GRIN2B: variants seen among roughly 807,000 people sequenced by gnomAD.
GRIN2B encodes the protein glutamate receptor ionotropic, NMDA 2B.
A neutral mutation model predicts 114.5 loss-of-function variants in GRIN2B; 5 were observed. The ratio of observed to expected loss-of-function variants is 0.04; its 90% confidence interval spans 0.02 to 0.09. The LOEUF is 0.09. GRIN2B is among the 10% of genes least tolerant of loss of function. The pLI, the probability that GRIN2B is intolerant of heterozygous loss-of-function variation, is 1.00. For missense variants in GRIN2B, 1,108 were observed against 1,943.5 expected, an observed-to-expected ratio of 0.57 and a Z score of 8.08; for synonymous variants, 787 against 745.1, an observed-to-expected ratio of 1.06 and a Z score of -0.92.
intron 4 of GRIN2B, among the ~76,000 whole-genome samples, chr12:13,725,029 A>C (rs529704593): frequency 1.6e-4 from 25 of 152,180 alleles, no homozygotes; most frequent in Non-Finnish European, 2.9e-4. Context: ...AAGGCAAACA[A>C]CTTCCTTGAG....
intron 10 of GRIN2B, among the ~76,000 whole-genome samples, chr12:13,604,531 C>G (rs189357269): frequency 1.2e-3 from 179 of 152,234 alleles, no homozygotes; most frequent in Non-Finnish European, 2.0e-3. Context: ...AGTTTAGGAA[C>G]CCTTCTCCAT....
intron 3 of GRIN2B, among the ~76,000 whole-genome samples, chr12:13,791,337 G>C (rs1302376448): frequency 6.6e-6 from 1 of 151,410 alleles, no homozygotes; most frequent in East Asian, 1.9e-4. Flanking sequence ...CTGTAGCCCA[G>C]CTACTCGGAG....
chr12:13,963,424 T>A (rs558854590), intron 2 of GRIN2B, among the ~76,000 whole-genome samples: 6 of 152,256 alleles, frequency 3.9e-5, no homozygotes, highest in African/African-American at 7.2e-5. Flanking sequence ...GGTAGGCATT[T>A]ATGTAAGAAA....
chr12:13,728,330 G>A (rs1235201655), intron 4 of GRIN2B, among the ~76,000 whole-genome samples: 1 of 152,086 alleles, frequency 6.6e-6, no homozygotes. Context: ...AATATTGAAG[G>A]CTAGAAATTT....
At chr12:13,734,640 T>G (rs1863149289) in intron 4 of GRIN2B, among the ~76,000 whole-genome samples, 6 of 152,226 alleles carry the variant, frequency 3.9e-5, no homozygotes, top group Admixed American at 3.3e-4. Context: ...AAAATGTTTG[T>G]GTCTACTGTG....
chr12:13,550,863 C>CT lies in GRIN2B; in HGVS notation c.*11919dup, dbSNP rs1311845690. The CT allele has an allele frequency of 1.3e-5, 2 of 152,144 alleles. No homozygotes were observed. Among genetic ancestry groups the CT allele is most frequent in the African/African-American group, 4.8e-5 (2 of 41,426 alleles). The allele number at this position is 152,144 out of a possible 1,614,324, so 9.4% of individuals were successfully genotyped here. On this transcript the variant is annotated 3_prime_UTR_variant, in exon 14 of 14. Transcript: ENST00000609686. ...ACATTGTTTGTGTTTTGAGGATGGG[C>CT]TGCTCAGAGTCAACTCAGGATAAGT... is the stretch of plus-strand genomic sequence containing the variant.
intron 2 of GRIN2B, among the ~76,000 whole-genome samples, chr12:13,926,804 T>G (rs1163752375): frequency 6.6e-6 from 1 of 151,904 alleles, no homozygotes; most frequent in East Asian, 1.9e-4. Context: ...ATACAAAAAA[T>G]TAGCCGGGTA....
At chr12:13,684,881 G>A (rs1950163618) in intron 4 of GRIN2B, among the ~76,000 whole-genome samples, 1 of 152,110 alleles carries the variant, frequency 6.6e-6, no homozygotes, top group South Asian at 2.1e-4. Flanking sequence ...TAATTTTAAG[G>A]TGAAGGCTTG....
At chr12:13,661,486 C>T (rs921338531) in intron 5 of GRIN2B, among the ~76,000 whole-genome samples, 2 of 152,280 alleles carry the variant, frequency 1.3e-5, no homozygotes, top group East Asian at 1.9e-4. Context: ...CGCAGCTGCC[C>T]CCTAGAGACT....
intron 2 of GRIN2B, among the ~76,000 whole-genome samples, chr12:13,918,399 T>C (rs1055184761): frequency 6.6e-6 from 1 of 152,118 alleles, no homozygotes; most frequent in Non-Finnish European, 1.5e-5. Context: ...AGCAAGACCC[T>C]GTCTCAAAAA....
At chr12:13,839,433 A>G (rs951955375) in intron 3 of GRIN2B, among the ~76,000 whole-genome samples, 9 of 152,228 alleles carry the variant, frequency 5.9e-5, no homozygotes, top group East Asian at 3.8e-4. Flanking sequence ...AACCACACAT[A>G]CAATCGTCAT....
intron 2 of GRIN2B, among the ~76,000 whole-genome samples, chr12:13,935,247 AC>A (rs1753767785): frequency 6.6e-6 from 1 of 152,220 alleles, no homozygotes; most frequent in Non-Finnish European, 1.5e-5. Flanking sequence ...TCTGTATCAT[AC>A]AAATCTTGAC....
At chr12:13,803,758 G>T (rs1864555572) in intron 3 of GRIN2B, among the ~76,000 whole-genome samples, 1 of 152,108 alleles carries the variant, frequency 6.6e-6, no homozygotes, top group South Asian at 2.1e-4. Flanking sequence ...AGATGGGAAG[G>T]TGATGGGGAC....
chr12:13,979,589 G>A (rs1017624243), intron 2 of GRIN2B, among the ~76,000 whole-genome samples: 35 of 151,216 alleles, frequency 2.3e-4, no homozygotes, highest in Non-Finnish European at 4.0e-4. Flanking sequence ...AGTTCTGGGT[G>A]AATAAAATGC....
chr12:13,783,939 C>T (rs865810042), intron 3 of GRIN2B, among the ~76,000 whole-genome samples: 1 of 151,944 alleles, frequency 6.6e-6, no homozygotes, highest in African/African-American at 2.4e-5. Flanking sequence ...AAAAACATAT[C>T]CCGGCCGGGC....
intron 4 of GRIN2B, among the ~76,000 whole-genome samples, chr12:13,729,048 T>C (rs1179935706): frequency 6.6e-6 from 1 of 152,204 alleles, no homozygotes; most frequent in African/African-American, 2.4e-5. Flanking sequence ...GTATTCTCAC[T>C]TACGGTATTG....
chr12:13,838,014 T>C (rs536285114), intron 3 of GRIN2B, among the ~76,000 whole-genome samples: 3 of 152,308 alleles, frequency 2.0e-5, no homozygotes, highest in East Asian at 1.9e-4. Context: ...TTTTGCTTTT[T>C]CTCTAGTTGG....
chr12:13,626,928 C>T (rs1339228226), intron 5 of GRIN2B, among the ~76,000 whole-genome samples: 2 of 150,948 alleles, frequency 1.3e-5, no homozygotes, highest in Non-Finnish European at 2.9e-5. Context: ...TTTATTCCAC[C>T]TCCTGGTCTA....
chr12:13,562,706 CACCCTCCGTG>C lies in GRIN2B; in HGVS notation c.*67_*76del, dbSNP rs1162308384. On this transcript the variant is annotated 3_prime_UTR_variant, in exon 14 of 14. Transcript: ENST00000609686. ...AAATGGGAACCAAGTTCACCCCCGT[CACCCTCCGTG>C]ACATGCGCATCACGCGACCCACAGC... 2 of 1,190,982 alleles carry C rather than the reference CACCCTCCGTG, an allele frequency of 1.7e-6. No individual in the cohort carries two copies. The highest frequency in any genetic ancestry group is 2.3e-5 in the East Asian group (1 of 42,902). 73.8% of individuals were successfully genotyped at this position (1,190,982 alleles called of 1,614,324 possible). A position where few individuals can be genotyped will look rare whatever the true frequency, so the allele number is the denominator to read the frequency against.
Sources: allele counts gnomAD v4.1 joint callset (sites outside exome capture counted in the v4.1 genomes callset), GRCh38; gene constraint gnomAD v4.1.1; transcripts MANE v1.5; gene names NCBI Gene and HGNC (gene_info 2026-07-23, HGNC 2026-07-21).